The following NDST3 variants were observed in gnomAD, a reference collection of about 807,000 sequenced individuals.
NDST3 encodes the protein bifunctional heparan sulfate N-deacetylase/N-sulfotransferase 3.
NDST3 carries 58 observed loss-of-function variants against 96.1 expected under a neutral mutation model. The ratio of observed to expected loss-of-function variants is 0.60; its 90% CI spans 0.49 to 0.75. The LOEUF (loss-of-function observed/expected upper bound fraction) is 0.75. NDST3 is among the 30% of genes least tolerant of loss of function. The pLI, the probability that NDST3 is intolerant of heterozygous loss-of-function variation, is 0.00. For missense variants in NDST3, 788 were observed against 1,034.2 expected (o/e 0.76, Z 3.27); for synonymous variants, 333 against 359.7 (o/e 0.93, Z 0.84).
intron 6 of NDST3, among the ~76,000 whole-genome samples, chr4:118,199,239 T>C (rs1321102647): frequency 6.6e-6 from 1 of 152,138 alleles, no homozygotes; most frequent in African/African-American, 2.4e-5. Context: ...TGCTTCATGG[T>C]TTTTTATTCT....
rs544157167 is a variant in NDST3, at chr4:118,230,292, G to A, written c.1820-2720G>A. Among the ~76,000 whole-genome samples the A allele has an allele frequency of 2.0e-5, 3 of 152,290 alleles. No individual in the cohort carries two copies. In the East Asian group the frequency reaches 5.8e-4, roughly 29 times the overall value. Reference sequence around the variant, plus strand: ...CACCAGAAAATTTATTAGAAGTGCAGGCCAGGCACGGTGGCTCACGCCTGT... The same window carrying A: ...CACCAGAAAATTTATTAGAAGTGCAAGCCAGGCACGGTGGCTCACGCCTGT... On this transcript the variant is annotated intron_variant, in intron 8 of 13. Transcript: ENST00000296499.
intron 6 of NDST3, among the ~76,000 whole-genome samples, chr4:118,201,550 T>C (rs941405474): frequency 7.2e-5 from 11 of 152,226 alleles, no homozygotes; most frequent in African/African-American, 2.7e-4. Context: ...TGCTGAGCAT[T>C]TTTTCATGTT....
At chr4:118,104,970 T>C (rs1277652394) in intron 2 of NDST3, 48 bp from the exon 3 acceptor site, 1 of 1,526,766 alleles carries the variant, frequency 6.5e-7, no homozygotes, top group Admixed American at 1.7e-5. Flanking sequence ...TTGGAAACTT[T>C]TTAATGCCAT....
intron 3 of NDST3, among the ~76,000 whole-genome samples, 187 bp from the exon 4 acceptor site, chr4:118,114,619 T>A (rs1456641847): frequency 1.3e-5 from 2 of 152,228 alleles, no homozygotes; most frequent in African/African-American, 4.8e-5. Flanking sequence ...GAGTTTTACA[T>A]GGTCTCTGAT....
At chr4:118,154,074 C>A (rs1734581592) in intron 6 of NDST3, among the ~76,000 whole-genome samples, 1 of 152,084 alleles carries the variant, frequency 6.6e-6, no homozygotes, top group South Asian at 2.1e-4. Flanking sequence ...CATGTACACA[C>A]ACAGAGACAC....
At chr4:118,135,256 A>C (rs1732978693) in intron 4 of NDST3, among the ~76,000 whole-genome samples, 1 of 152,180 alleles carries the variant, frequency 6.6e-6, no homozygotes, top group Admixed American at 6.5e-5. Context: ...GAAGAGAAGC[A>C]GGCTTAGGAA....
At chr4:118,196,291 C>T (rs977500748) in intron 6 of NDST3, among the ~76,000 whole-genome samples, 2 of 152,108 alleles carry the variant, frequency 1.3e-5, no homozygotes, top group Middle Eastern at 3.2e-3. Flanking sequence ...ATCAGAGATA[C>T]TGGCCTGTAG....
At chr4:118,104,711 T>C (rs1315366133) in intron 2 of NDST3, among the ~76,000 whole-genome samples, 3 of 152,198 alleles carry the variant, frequency 2.0e-5, no homozygotes, top group African/African-American at 7.2e-5. Context: ...AAATTGGATA[T>C]ATTTTATGTA....
At chr4:118,093,728 G>A (rs1729070820) in intron 2 of NDST3, among the ~76,000 whole-genome samples, 1 of 151,834 alleles carries the variant, frequency 6.6e-6, no homozygotes, top group Non-Finnish European at 1.5e-5. Context: ...AAAATAAAGT[G>A]ACTTTTAAGT....
chr4:118,221,356 T>C (rs930314649), intron 6 of NDST3, among the ~76,000 whole-genome samples: 15 of 152,060 alleles, frequency 9.9e-5, no homozygotes, highest in African/African-American at 3.6e-4. Flanking sequence ...AGAAAAATAT[T>C]TGTGGATTTA....
intron 2 of NDST3, among the ~76,000 whole-genome samples, chr4:118,081,464 T>C (rs1728007132): frequency 6.6e-6 from 1 of 152,168 alleles, no homozygotes; most frequent in South Asian, 2.1e-4. Context: ...CATTGCAGTA[T>C]AAAAAATGTA....
At position 118,101,079 on chromosome 4, in the gene NDST3, A is replaced by C. The variant is rs567079105; in HGVS notation, c.982-3939A>C. Reference sequence around the variant, plus strand: ...AAAATAGGCCAAAATATAATCTAAGAAGCATAAATAAGAAACAAAAAAATT... The same window carrying C: ...AAAATAGGCCAAAATATAATCTAAGCAGCATAAATAAGAAACAAAAAAATT... On this transcript the variant is annotated intron_variant, in intron 2 of 13. Coordinates refer to ENST00000296499, the MANE Select transcript of NDST3 (RefSeq NM_004784.3). Among the ~76,000 whole-genome samples the C allele has an allele frequency of 3.9e-5, 6 of 152,258 alleles. No homozygotes were observed. In the East Asian group the frequency reaches 1.2e-3, roughly 29 times the overall value.
rs11937205 is a variant in NDST3 at position 118,151,377 on chromosome 4, T to C, written c.1539+7693T>C. ...TATTGTGCACATGTACCCTAAAACT[T>C]AAAGTATAATAATAATAAAAAAAAG... On this transcript the variant is annotated intron_variant, in intron 6 of 13. Transcript: ENST00000296499. Among the ~76,000 whole-genome samples the C allele has an allele frequency of 1.3e-4, 20 of 151,784 alleles. No homozygotes were observed. In the East Asian group the frequency reaches 3.5e-3, roughly 26 times the overall value.
chr4:118,141,061 T>C (rs1461532062), intron 5 of NDST3, among the ~76,000 whole-genome samples: 2 of 152,170 alleles, frequency 1.3e-5, no homozygotes, highest in East Asian at 3.9e-4. Context: ...CAGAAGTATT[T>C]GTTGGCAGTT....
At chr4:118,116,586 A>G (rs968553050) in intron 4 of NDST3, among the ~76,000 whole-genome samples, 2 of 152,198 alleles carry the variant, frequency 1.3e-5, no homozygotes, top group Non-Finnish European at 2.9e-5. Context: ...GGCTGGGTGC[A>G]GTGGCTCATG....
intron 6 of NDST3, among the ~76,000 whole-genome samples, chr4:118,181,553 C>A (rs2125951499): frequency 6.6e-6 from 1 of 152,156 alleles, no homozygotes; most frequent in East Asian, 1.9e-4. Context: ...AAGCAAGATC[C>A]AATACAGAGA....
intron 6 of NDST3, chr4:118,193,847 T>C: frequency 7.9e-7 from 1 of 1,273,722 alleles, no homozygotes; most frequent in Non-Finnish European, 1.1e-6. Flanking sequence ...CTGTGCCTTC[T>C]GTGTTTCCTC....
chr4:118,245,358 T>C (rs1273595483), intron 12 of NDST3, among the ~76,000 whole-genome samples: 2 of 152,116 alleles, frequency 1.3e-5, no homozygotes, highest in African/African-American at 2.4e-5. Context: ...ATTTTTAGTA[T>C]TAATTTACTT....
At chr4:118,249,344 GC>G (rs1741509563) in intron 12 of NDST3, among the ~76,000 whole-genome samples, 1 of 152,124 alleles carries the variant, frequency 6.6e-6, no homozygotes, top group South Asian at 2.1e-4. Context: ...ATTGCTGATA[GC>G]AAAATGTTAA....
Sources: gnomAD v4.1 joint callset for allele counts (sites outside exome capture counted in the v4.1 genomes callset) on GRCh38, gnomAD v4.1.1 for gene constraint, MANE v1.5 for transcripts, NCBI Gene and HGNC (gene_info 2026-07-23, HGNC 2026-07-21) for gene names.